The following FBXL5 variants were observed in gnomAD, a reference collection of about 807,000 sequenced individuals.
The protein encoded by FBXL5 is F-box/LRR-repeat protein 5.
Under a neutral mutation model 78.3 loss-of-function variants are expected in FBXL5, and 26 were observed. That is an observed-to-expected ratio of 0.33 (90% CI 0.24 to 0.46). FBXL5 has a LOEUF of 0.46. Ranked by LOEUF, FBXL5 falls within the 20% of genes least tolerant of loss-of-function variation. The pLI is 1.00. For synonymous variants in FBXL5, 295 were observed against 282.5 expected, an observed-to-expected ratio of 1.04 and a Z score of -0.45; for missense variants, 710 against 829.2, an observed-to-expected ratio of 0.86 and a Z score of 1.77.
rs140619316 is a variant in FBXL5 at position 15,626,699 on chromosome 4, G to C, written c.1124+174C>G. Among the ~76,000 whole-genome samples, 386 of 152,316 alleles carry C rather than the reference G, an allele frequency of 2.5e-3. 3 individuals are homozygous for C. The highest frequency in any genetic ancestry group is 8.9e-3 in the African/African-American group (370 of 41,562). ...CAAGATAATACAGATGGGATTTTTG[G>C]ATCAGCTGGGACCTATGAGTAAGAA... is the stretch of plus-strand genomic sequence containing the variant. On this transcript the variant is annotated intron_variant, in intron 8 of 10. Transcript: ENST00000341285.
intron 3 of FBXL5, 121 bp downstream of exon 3, chr4:15,640,667 T>C (rs983867443): frequency 6.4e-6 from 3 of 467,276 alleles, no homozygotes; most frequent in Admixed American, 4.0e-5. Context: ...CAAAAAGAAC[T>C]GCGTTCTTCT....
chr4:15,669,752 T>C (rs1717686132), intron 1 of FBXL5, among the ~76,000 whole-genome samples: 1 of 152,226 alleles, frequency 6.6e-6, no homozygotes, highest in Non-Finnish European at 1.5e-5. Flanking sequence ...TTTTTTCTTA[T>C]TGAAAAGCAA....
At chr4:15,664,651 G>A (rs887783499), upstream of FBXL5, among the ~76,000 whole-genome samples, 40 of 140,086 alleles carry the variant, frequency 2.9e-4, no homozygotes, top group Admixed American at 1.6e-4. Flanking sequence ...TCTGCCTCCC[G>A]GGTTCAAGCA....
At chr4:15,654,193 T>A (rs953754778) in intron 1 of FBXL5, among the ~76,000 whole-genome samples, 2 of 152,238 alleles carry the variant, frequency 1.3e-5, no homozygotes, top group Non-Finnish European at 2.9e-5. Flanking sequence ...CTATGCAATT[T>A]CTGAGAATTC....
chr4:15,630,866 T>C, intron 5 of FBXL5, 75 bp from the exon 6 acceptor site: 1 of 1,558,328 alleles, frequency 6.4e-7, no homozygotes, highest in Non-Finnish European at 8.7e-7. Context: ...CTAAGCTATT[T>C]ACGATAAAAA....
At chr4:15,659,320 T>A (rs1717192827), upstream of FBXL5, among the ~76,000 whole-genome samples, 1 of 152,202 alleles carries the variant, frequency 6.6e-6, no homozygotes, top group Non-Finnish European at 1.5e-5. Flanking sequence ...AATATACATA[T>A]ATGGTTTTTA....
At chr4:15,655,464 C>T, upstream of FBXL5, 2 of 894,726 alleles carry the variant, frequency 2.2e-6, no homozygotes, top group Non-Finnish European at 2.7e-6. Context: ...CATGCGATCC[C>T]TGCGGCCCAC....
At chr4:15,610,666 TA>T (rs1252523244) in intron 10 of FBXL5, among the ~76,000 whole-genome samples, 1 of 151,938 alleles carries the variant, frequency 6.6e-6, no homozygotes. Flanking sequence ...CATACAAACA[TA>T]AAACAAGTAA....
chr4:15,656,263 CTGGCCCTG>C (rs1560244822), upstream of FBXL5: 13 of 456,102 alleles, frequency 2.9e-5, no homozygotes, highest in South Asian at 2.0e-4. Flanking sequence ...CATAAATCGC[CTGGCCCTG>C]GCCACAGACC....
chr4:15,655,100 G>T (rs1314710121), intron 1 of FBXL5, 104 bp downstream of exon 1: 5 of 917,140 alleles, frequency 5.5e-6, no homozygotes, highest in Non-Finnish European at 7.0e-6. Context: ...CGCGGCGACG[G>T]CACGGGGCTG....
chr4:15,662,759 C>A (rs1372321669), upstream of FBXL5, among the ~76,000 whole-genome samples: 1 of 152,134 alleles, frequency 6.6e-6, no homozygotes, highest in Non-Finnish European at 1.5e-5. Flanking sequence ...GTAGCTGATA[C>A]TATAGTAAGA....
At chr4:15,660,568 C>A (rs755355571), upstream of FBXL5, among the ~76,000 whole-genome samples, 1 of 152,232 alleles carries the variant, frequency 6.6e-6, no homozygotes, top group African/African-American at 2.4e-5. Context: ...AATCCCACTT[C>A]TCACTACCTA....
In FBXL5 at chr4:15,605,794, G is replaced by A. The variant is rs1721844585; in HGVS notation, c.2005C>T (p.His669Tyr). The A allele has an allele frequency of 3.1e-6, 5 of 1,613,166 alleles. No individual in the cohort carries two copies. The highest frequency in any genetic ancestry group is 4.2e-6 in the Non-Finnish European group (5 of 1,179,442). The part of the protein sequence containing the change: ...FYYCDNINGP[H>Y]ADTASGCQNL... ...TGGCATCCACTGGCGGTATCAGCAT[G>A]AGGACCTGTATGAAAACAGAAAAAT... The change falls in exon 11 of 11, where the codon CAT becomes TAT. Residue 669 changes from histidine (H) to tyrosine (Y), a missense_variant. Physicochemically the swap from His to Tyr is moderately conservative, Grantham distance 83 (BLOSUM62 2). Around this residue, in one of 4 missense-constraint regions of FBXL5, gnomAD observed 58 missense variants for 112.3 expected, o/e 0.52. Transcript: ENST00000341285.
rs1716754382 is a variant in FBXL5, at chr4:15,655,298, TCAGCCTCCGCCTCAG to T, written c.-26_-12del. 1 of 1,404,440 alleles carries T rather than the reference TCAGCCTCCGCCTCAG, an allele frequency of 7.1e-7. No homozygotes were observed. The highest frequency in any genetic ancestry group is 1.5e-5 in the African/African-American group (1 of 67,346). 87.0% of individuals were successfully genotyped at this position (1,404,440 alleles called of 1,614,324 possible). A position where few individuals can be genotyped will look rare whatever the true frequency, so the allele number is the denominator to read the frequency against. ...AGGAAAGGGCGCCATCGCCACTGCC[TCAGCCTCCGCCTCAG>T]CAGCCGCGGCCGCCGCCTCTCCATA... On this transcript the variant is annotated 5_prime_UTR_variant, in exon 1 of 11. Coordinates refer to ENST00000341285, the MANE Select transcript of FBXL5 (RefSeq NM_012161.4).
At chr4:15,618,812 T>C (rs1205028956) in intron 9 of FBXL5, among the ~76,000 whole-genome samples, 1 of 152,170 alleles carries the variant, frequency 6.6e-6, no homozygotes, top group African/African-American at 2.4e-5. Context: ...CATTGCACTC[T>C]GGACGACAGA....
intron 10 of FBXL5, among the ~76,000 whole-genome samples, chr4:15,607,185 G>A (rs1452135446): frequency 1.3e-5 from 2 of 152,164 alleles, no homozygotes; most frequent in East Asian, 1.9e-4. Flanking sequence ...ATATGGGAAT[G>A]AGCAATGGTA....
At chr4:15,611,489 T>C (rs2148521611) in intron 10 of FBXL5, among the ~76,000 whole-genome samples, 1 of 152,052 alleles carries the variant, frequency 6.6e-6, no homozygotes, top group Middle Eastern at 3.4e-3. Context: ...ATACAGGAGG[T>C]TGATTTGCTT....
chr4:15,637,426 A>T (rs766606159), intron 4 of FBXL5, among the ~76,000 whole-genome samples: 13 of 152,238 alleles, frequency 8.5e-5, no homozygotes, highest in Non-Finnish European at 1.6e-4. Flanking sequence ...ATTCATCACT[A>T]AAGTCCTATG....
Position 15,636,670 on chromosome 4 carries a change from TCTG to T in FBXL5, c.587_589del (p.Ala196del). ...TATACCTGTGGAGTGTTCTGACACT[TCTG>T]CTTCTGAAATAAAAAAGAAAAACTT... On this transcript the variant is annotated inframe_deletion, in exon 5 of 11. Coordinates refer to ENST00000341285, the MANE Select transcript of FBXL5 (RefSeq NM_012161.4). The T allele has an allele frequency of 6.5e-7, 1 of 1,546,176 alleles. No homozygotes were observed. Among genetic ancestry groups the T allele is most frequent in the Non-Finnish European group, 8.7e-7 (1 of 1,143,462 alleles).
Sources: allele counts gnomAD v4.1 joint callset (sites outside exome capture counted in the v4.1 genomes callset), GRCh38; gene constraint gnomAD v4.1.1; regional missense constraint gnomAD v4.1.1; transcripts MANE v1.5; gene names NCBI Gene and HGNC (gene_info 2026-07-23, HGNC 2026-07-21).